PTPRT: variants seen among roughly 807,000 people sequenced by gnomAD.
PTPRT encodes protein tyrosine phosphatase receptor type T.
In PTPRT, 56 loss-of-function variants were observed where a neutral mutation model predicts 176.8. That is an observed-to-expected ratio of 0.32 (90% CI 0.26 to 0.40). PTPRT has a LOEUF of 0.40. Among genes scored for constraint, PTPRT ranks in the 10% least tolerant of loss-of-function variants. PTPRT has a pLI of 1.00. For missense variants in PTPRT, 1,540 were observed against 1,908.2 expected, an observed-to-expected ratio of 0.81 and a Z score of 3.60; for synonymous variants, 783 against 739.0, an observed-to-expected ratio of 1.06 and a Z score of -0.96.
At chr20:42,522,402 C>G (rs962334100) in intron 7 of PTPRT, among the ~76,000 whole-genome samples, 1 of 151,854 alleles carries the variant, frequency 6.6e-6, no homozygotes, top group East Asian at 1.9e-4. Context: ...TGAAATAGTT[C>G]TCATCTGACT....
chr20:42,138,019 T>C (rs1988452632), intron 18 of PTPRT, among the ~76,000 whole-genome samples: 1 of 152,246 alleles, frequency 6.6e-6, no homozygotes, highest in Non-Finnish European at 1.5e-5. Flanking sequence ...TGGCCAAGAT[T>C]GGACATTCTC....
intron 16 of PTPRT, among the ~76,000 whole-genome samples, chr20:42,196,422 G>T (rs575628348): frequency 2.6e-5 from 4 of 152,138 alleles, no homozygotes; most frequent in African/African-American, 9.6e-5. Flanking sequence ...AATAATCAGG[G>T]TAATTAATAT....
At chr20:42,558,367 C>A in intron 7 of PTPRT, among the ~76,000 whole-genome samples, 1 of 152,104 alleles carries the variant, frequency 6.6e-6, no homozygotes, top group Admixed American at 6.6e-5. Flanking sequence ...ATCCAGTCTA[C>A]CATTGTTGGG....
rs368505010 is a variant in PTPRT at position 42,110,425 on chromosome 20, G to A, written c.3162C>T (p.Gly1054=). ...GAAGGCCAGTGGCATAGCAGGGAAC[G>A]CCGTGGTCAGGCCAGCTGGTGAAGT... is the stretch of plus-strand genomic sequence containing the variant. ...LFHFTSWPDH[G]VPCYATGLLG... Residue 1054 remains glycine, a synonymous_variant, in exon 23 of 31, where the codon GGC becomes GGT. Coordinates refer to ENST00000373187, the MANE Select transcript of PTPRT (RefSeq NM_007050.6). 19 of 1,612,826 alleles carry A rather than the reference G, an allele frequency of 1.2e-5. No individual in the cohort carries two copies. The highest frequency in any genetic ancestry group is 6.7e-5 in the African/African-American group (5 of 74,882).
intron 8 of PTPRT, among the ~76,000 whole-genome samples, chr20:42,455,578 C>G (rs1213721121): frequency 6.6e-6 from 1 of 152,132 alleles, no homozygotes; most frequent in Non-Finnish European, 1.5e-5. Flanking sequence ...TTAAGAGTTA[C>G]TCTTTTAATA....
intron 1 of PTPRT, among the ~76,000 whole-genome samples, chr20:43,008,111 A>T (rs1231668599): frequency 6.6e-6 from 1 of 152,218 alleles, no homozygotes; most frequent in Non-Finnish European, 1.5e-5. Context: ...TCAATGGACT[A>T]AATGTTTAGG....
intron 7 of PTPRT, among the ~76,000 whole-genome samples, chr20:42,564,330 A>G (rs1291819024): frequency 6.6e-6 from 1 of 152,258 alleles, no homozygotes; most frequent in Non-Finnish European, 1.5e-5. Flanking sequence ...GAATAAGAGC[A>G]GAAAAGCCCA....
chr20:42,638,316 T>C (rs2074655003), intron 7 of PTPRT, among the ~76,000 whole-genome samples: 1 of 152,044 alleles, frequency 6.6e-6, no homozygotes, highest in African/African-American at 2.4e-5. Context: ...AGGATGTCCA[T>C]TTAGCGGGGC....
rs151132275 is a variant in PTPRT, at chr20:42,118,327, C to T, written c.2982+76G>A. On this transcript the variant is annotated intron_variant, in intron 21 of 30. Coordinates refer to ENST00000373187, the MANE Select transcript of PTPRT (RefSeq NM_007050.6). The stretch of plus-strand genomic sequence containing the variant: ...AATACTGACTAGGAGGCACTTAGCA[C>T]GATGCATGGAACAAAGAGATGTTCG... 84 of 1,330,044 alleles carry T rather than the reference C, an allele frequency of 6.3e-5. No homozygotes were observed. The Middle Eastern group carries it at 6.8e-4, about 11-fold the overall frequency. 82.4% of individuals were successfully genotyped at this position (1,330,044 alleles called of 1,614,324 possible).
intron 2 of PTPRT, among the ~76,000 whole-genome samples, chr20:42,866,148 G>A (rs1275546644): frequency 6.6e-6 from 1 of 152,170 alleles, no homozygotes; most frequent in Non-Finnish European, 1.5e-5. Flanking sequence ...CAGATGTTCA[G>A]TCTACCTGCT....
intron 1 of PTPRT, among the ~76,000 whole-genome samples, chr20:43,115,752 G>C (rs2013036171): frequency 6.6e-6 from 1 of 152,122 alleles, no homozygotes. Flanking sequence ...CACAGCCTTT[G>C]GGTCCAGACA....
intron 15 of PTPRT, among the ~76,000 whole-genome samples, chr20:42,206,437 A>G (rs985762749): frequency 1.3e-5 from 2 of 152,186 alleles, no homozygotes; most frequent in Non-Finnish European, 2.9e-5. Flanking sequence ...ACCATGCGCG[A>G]GCCGAAGCAG....
chr20:42,304,017 T>C (rs2057508553), intron 12 of PTPRT, among the ~76,000 whole-genome samples: 1 of 152,194 alleles, frequency 6.6e-6, no homozygotes, highest in Admixed American at 6.5e-5. Flanking sequence ...ATTTATGGGT[T>C]TGCAAACTTG....
chr20:42,834,078 C>T (rs2078139384), intron 2 of PTPRT, among the ~76,000 whole-genome samples: 1 of 130,192 alleles, frequency 7.7e-6, no homozygotes, highest in Non-Finnish European at 1.8e-5. Context: ...AAAAGACAAG[C>T]CATAGGCTGG....
chr20:42,913,389 A>G (rs758236977), intron 1 of PTPRT, among the ~76,000 whole-genome samples: 5 of 152,116 alleles, frequency 3.3e-5, no homozygotes, highest in Non-Finnish European at 7.4e-5. Flanking sequence ...CCTGGCTTGA[A>G]GATGTATCAC....
intron 6 of PTPRT, among the ~76,000 whole-genome samples, chr20:42,725,298 A>G (rs1299617154): frequency 6.6e-6 from 1 of 151,874 alleles, no homozygotes; most frequent in East Asian, 1.9e-4. Flanking sequence ...AGAAAAAAAA[A>G]CCTTCCTCAA....
chr20:43,180,369 C>CTCTCTT (rs1208040640), intron 1 of PTPRT, among the ~76,000 whole-genome samples: 6 of 151,238 alleles, frequency 4.0e-5, no homozygotes, highest in African/African-American at 1.5e-4. Context: ...CTCTCTCTCT[C>CTCTCTT]TCTGCCCCCA....
chr20:42,270,547 C>A (rs2146999799), intron 13 of PTPRT: 2 of 1,102,240 alleles, frequency 1.8e-6, no homozygotes, highest in East Asian at 5.2e-5. Context: ...AACAAAACTG[C>A]AATTCTTGTG....
chr20:42,608,257 G>C (rs144698072), intron 7 of PTPRT, among the ~76,000 whole-genome samples: 21 of 152,244 alleles, frequency 1.4e-4, no homozygotes, highest in Admixed American at 3.3e-4. Context: ...CAGTCCCCTT[G>C]TCTGATGAAC....
Sources: gnomAD v4.1 joint callset for allele counts (sites outside exome capture counted in the v4.1 genomes callset) on GRCh38, gnomAD v4.1.1 for gene constraint, MANE v1.5 for transcripts, NCBI Gene and HGNC (gene_info 2026-07-23, HGNC 2026-07-21) for gene names.